The following ZC3H13 variants were observed in gnomAD, a reference collection of about 807,000 sequenced individuals.
The protein encoded by ZC3H13 is zinc finger CCCH domain-containing protein 13.
A neutral mutation model predicts 204.1 loss-of-function variants in ZC3H13; 64 were observed. That is an observed-to-expected ratio of 0.31 (90% CI 0.26 to 0.39). ZC3H13 has a LOEUF of 0.39. ZC3H13 is among the 10% of genes least tolerant of loss of function. The pLI, the probability that ZC3H13 is intolerant of heterozygous loss-of-function variation, is 1.00. For synonymous variants in ZC3H13, 667 were observed against 693.7 expected (o/e 0.96, Z 0.60); for missense variants, 1,833 against 2,082.7 (o/e 0.88, Z 2.33).
At chr13:45,997,341 C>G (rs367606922) in intron 8 of ZC3H13, among the ~76,000 whole-genome samples, 2 of 152,298 alleles carry the variant, frequency 1.3e-5, no homozygotes, top group South Asian at 4.1e-4. Context: ...TACTCAAATC[C>G]TTGACATCAG....
intron 8 of ZC3H13, 75 bp downstream of exon 8, chr13:46,003,064 C>T (rs1181801399): frequency 6.7e-7 from 1 of 1,501,528 alleles, no homozygotes; most frequent in East Asian, 2.3e-5. Flanking sequence ...ATGCTAATGC[C>T]CAACGGCTTC....
At chr13:46,004,846 T>C (rs1370417740) in intron 7 of ZC3H13, among the ~76,000 whole-genome samples, 1 of 152,216 alleles carries the variant, frequency 6.6e-6, no homozygotes, top group Non-Finnish European at 1.5e-5. Context: ...TTAATCTACT[T>C]GTAATTGATT....
rs551200594 is a variant in ZC3H13, at chr13:46,045,175, T to C, written c.118-111A>G. The C allele has an allele frequency of 2.9e-6, 3 of 1,038,512 alleles. No homozygotes were observed. The South Asian group carries it at 4.9e-5, about 17-fold the overall frequency. 64.3% of individuals were successfully genotyped at this position (1,038,512 alleles called of 1,614,324 possible). On this transcript the variant is annotated intron_variant, in intron 2 of 18. Coordinates refer to ENST00000679008, the MANE Select transcript of ZC3H13 (RefSeq NM_001330564.2). ...CCAAAATTCCAGCTAACCTGTGATA[T>C]ATTACTCCCCAAATAATAAAAACTT...
Position 46,003,279 on chromosome 13 carries a change from A to T in ZC3H13, c.804T>A (p.Pro268=). 6.2e-7 allele frequency: 1 copy of T among 1,612,730 alleles called. No individual in the cohort carries two copies. Among genetic ancestry groups the T allele is most frequent in the Non-Finnish European group, 8.5e-7 (1 of 1,179,700 alleles). The change falls in exon 8 of 19, where the codon CCT becomes CCA. Residue 268 remains proline, a synonymous_variant. Transcript: ENST00000679008. ...KKGPRTPSPP[P]PIPEDIALGK... ...CCAGAGCGATATCTTCTGGTATAGG[A>T]GGGGGTGGACTAGGAGTACGTGGTC...
In ZC3H13 at chr13:45,959,468, A is replaced by G. The variant is rs1951519328; in HGVS notation, c.4839+15T>C. 4 of 1,515,724 alleles carry G rather than the reference A, an allele frequency of 2.6e-6. No homozygotes were observed. The highest frequency in any genetic ancestry group is 3.5e-6 in the Non-Finnish European group (4 of 1,133,502). The allele number at this position is 1,515,724 out of a possible 1,614,324, so 93.9% of individuals were successfully genotyped here. On this transcript the variant is annotated intron_variant, in intron 18 of 18. Transcript: ENST00000679008. ...CACTATTCACTTTGTATTTTTTCCAAGGAAATAACAGTACCTTCTCATTTT... is the reference window on the plus strand; with the variant it reads ...CACTATTCACTTTGTATTTTTTCCAGGGAAATAACAGTACCTTCTCATTTT...
chr13:45,999,006 C>T (rs919638752), intron 8 of ZC3H13, among the ~76,000 whole-genome samples: 13 of 152,236 alleles, frequency 8.5e-5, no homozygotes, highest in Middle Eastern at 3.4e-3. Context: ...TTTGGGAGGC[C>T]AAGGCAGGAT....
intron 1 of ZC3H13, among the ~76,000 whole-genome samples, chr13:46,048,299 C>A (rs1222512939): frequency 6.6e-6 from 1 of 152,140 alleles, no homozygotes; most frequent in African/African-American, 2.4e-5. Context: ...AAGATTTCGC[C>A]GGGCGCGGTG....
intron 5 of ZC3H13, among the ~76,000 whole-genome samples, chr13:46,019,398 C>T (rs996757098): frequency 7.2e-5 from 11 of 152,094 alleles, no homozygotes; most frequent in Admixed American, 5.9e-4. Flanking sequence ...CTCTAGTTTT[C>T]TAATCCCTGG....
rs371522001 is a variant in ZC3H13, at chr13:46,045,053, A to C, written c.129T>G (p.Arg43=). The change falls in exon 3 of 19, where the codon CGT becomes CGG. Residue 43 remains arginine, a synonymous_variant. Coordinates refer to ENST00000679008, the MANE Select transcript of ZC3H13 (RefSeq NM_001330564.2). ...STGSTAETQC[R]NWLKTGNCLY... ...GGCAGTTGCCAGTCTTCAGCCAGTT[A>C]CGGCACTGTGTCTAAGAGACAGATA... The C allele has an allele frequency of 3.1e-6, 5 of 1,612,824 alleles. No homozygotes were observed. The highest frequency in any genetic ancestry group is 1.1e-5 in the South Asian group (1 of 90,900).
chr13:46,024,339 T>C lies in ZC3H13; in HGVS notation c.340-3782A>G, dbSNP rs192952256. 3.5e-4 allele frequency among the ~76,000 whole-genome samples: 54 copies of C among 152,352 alleles called. 1 individual carries two copies. The highest frequency in any genetic ancestry group is 1.2e-3 in the African/African-American group (51 of 41,588). The stretch of plus-strand genomic sequence containing the variant: ...TCCATCTTCCTGATGTATATCCTTT[T>C]AAATATTCTCTATTTAGTGAAGATC... On this transcript the variant is annotated intron_variant, in intron 4 of 18. Transcript: ENST00000679008.
intron 11 of ZC3H13, among the ~76,000 whole-genome samples, chr13:45,979,262 A>G (rs1953338857): frequency 6.6e-6 from 1 of 152,162 alleles, no homozygotes; most frequent in African/African-American, 2.4e-5. Context: ...CTGATAGATG[A>G]ACAGAAAAAG....
chr13:46,038,224 C>T (rs932413636), intron 4 of ZC3H13, among the ~76,000 whole-genome samples: 1 of 152,184 alleles, frequency 6.6e-6, no homozygotes, highest in Non-Finnish European at 1.5e-5. Flanking sequence ...TTCACAAGCT[C>T]CTCAAACACA....
intron 11 of ZC3H13, among the ~76,000 whole-genome samples, chr13:45,976,712 C>T (rs941126255): frequency 1.3e-5 from 2 of 152,136 alleles, no homozygotes; most frequent in African/African-American, 2.4e-5. Context: ...AAGAGGATGG[C>T]ATGAACTTTT....
rs1199720964 is a variant in ZC3H13, at chr13:45,969,149, G to A, written c.3395C>T (p.Thr1132Ile). Residue 1132 changes from threonine to isoleucine, a missense_variant, in exon 14 of 19, where the codon ACA becomes ATA. Physicochemically the swap from Thr to Ile is moderately conservative, Grantham distance 89 (BLOSUM62 -1). Coordinates refer to ENST00000679008, the MANE Select transcript of ZC3H13 (RefSeq NM_001330564.2). ...AGAGGTGGAAATAGTGATGGCAGAT[G>A]TGCTGAAAGAGGTGGCGGCAGCAGC... Reference protein sequence around the residue: ...TTAAAATSFSTSAITISTSAT... With the variant: ...TTAAAATSFSISAITISTSAT... 1 of 1,614,172 alleles carries A rather than the reference G, an allele frequency of 6.2e-7. No homozygotes were observed. Among genetic ancestry groups the A allele is most frequent in the Admixed American group, 1.7e-5 (1 of 60,016 alleles).
At chr13:46,006,083 C>CT (rs147786821) in intron 7 of ZC3H13, among the ~76,000 whole-genome samples, 104,852 of 146,062 alleles carry the variant, frequency 0.72, 37,879 homozygotes, top group African/African-American at 0.81. Flanking sequence ...GGACTCTGTC[C>CT]CAAAAAAAAA....
chr13:45,987,240 G>A (rs2039610376), intron 9 of ZC3H13, among the ~76,000 whole-genome samples: 1 of 152,170 alleles, frequency 6.6e-6, no homozygotes. Context: ...CGTATGGAAA[G>A]TTAAACAGAC....
intron 5 of ZC3H13, among the ~76,000 whole-genome samples, chr13:46,014,947 G>C (rs1450306535): frequency 1.3e-5 from 2 of 152,080 alleles, no homozygotes; most frequent in African/African-American, 2.4e-5. Context: ...TTACTTAAAA[G>C]AGTTTCCTTC....
chr13:46,046,215 T>C (rs1165816403), intron 1 of ZC3H13, among the ~76,000 whole-genome samples: 1 of 152,180 alleles, frequency 6.6e-6, no homozygotes, highest in Non-Finnish European at 1.5e-5. Flanking sequence ...GTTTCTATAA[T>C]CTATACTACA....
At chr13:46,003,635 T>A (rs1489141732) in intron 7 of ZC3H13, among the ~76,000 whole-genome samples, 1 of 152,022 alleles carries the variant, frequency 6.6e-6, no homozygotes, top group Non-Finnish European at 1.5e-5. Flanking sequence ...AATGACTGTT[T>A]AAACTGTTTT....
Sources: allele counts gnomAD v4.1 joint callset (sites outside exome capture counted in the v4.1 genomes callset), GRCh38; gene constraint gnomAD v4.1.1; transcripts MANE v1.5; gene names NCBI Gene and HGNC (gene_info 2026-07-23, HGNC 2026-07-21).